The following GALNT14 variants were observed in gnomAD, a reference collection of about 807,000 sequenced individuals.
GALNT14 encodes the protein polypeptide N-acetylgalactosaminyltransferase 14.
Under a neutral mutation model 77.5 loss-of-function variants are expected in GALNT14, and 60 were observed. That is an observed-to-expected ratio of 0.77 (90% CI 0.63 to 0.96). GALNT14 has a LOEUF of 0.96. Among genes scored for constraint, GALNT14 ranks in the 40% least tolerant of loss-of-function variants. GALNT14 has a pLI of 0.00. For synonymous variants in GALNT14, 280 were observed against 281.7 expected (o/e 0.99, Z 0.06); for missense variants, 710 against 731.0 (o/e 0.97, Z 0.33).
intron 1 of GALNT14, among the ~76,000 whole-genome samples, chr2:31,011,230 G>A (rs1671011831): frequency 6.6e-6 from 1 of 152,174 alleles, no homozygotes; most frequent in South Asian, 2.1e-4. Flanking sequence ...GCCATTTTAC[G>A]GATCTAATGG....
chr2:31,137,677 G>A (rs1679287327), intron 1 of GALNT14, among the ~76,000 whole-genome samples: 2 of 152,154 alleles, frequency 1.3e-5, no homozygotes, highest in Non-Finnish European at 2.9e-5. Context: ...CCTCCGCCCC[G>A]GGACCCTCGC....
chr2:30,974,968 T>C (rs1668552574), intron 2 of GALNT14, among the ~76,000 whole-genome samples: 1 of 152,204 alleles, frequency 6.6e-6, no homozygotes, highest in Non-Finnish European at 1.5e-5. Context: ...TGCCAAGCTA[T>C]GGGTGACACC....
chr2:30,986,922 T>A (rs1469680087), intron 2 of GALNT14: 1 of 152,184 alleles, frequency 6.6e-6, no homozygotes, highest in African/African-American at 2.4e-5. Flanking sequence ...GCAAGCTCCA[T>A]GTTTTGTTCG....
At chr2:30,894,847 C>T in the GALNT14 span, among the ~76,000 whole-genome samples, 1 of 152,228 alleles carries the variant, frequency 6.6e-6, no homozygotes, top group African/African-American at 2.4e-5. Flanking sequence ...CCAGGGAACA[C>T]TGAGGACAGT....
chr2:31,023,838 G>T (rs763111829), intron 1 of GALNT14, among the ~76,000 whole-genome samples: 1 of 152,074 alleles, frequency 6.6e-6, no homozygotes, highest in Non-Finnish European at 1.5e-5. Flanking sequence ...ACACTGAAGC[G>T]TTCCAGTTGT....
chr2:30,968,264 C>G (rs1370280165), intron 2 of GALNT14, among the ~76,000 whole-genome samples: 1 of 152,220 alleles, frequency 6.6e-6, no homozygotes, highest in African/African-American at 2.4e-5. Flanking sequence ...CAGCTGAAGA[C>G]AGCCTCTTCT....
At chr2:30,986,434 A>G (rs1033590800) in intron 2 of GALNT14, among the ~76,000 whole-genome samples, 2 of 152,254 alleles carry the variant, frequency 1.3e-5, no homozygotes, top group African/African-American at 4.8e-5. Context: ...TGTCTGCCAG[A>G]TGTTTTATGT....
At chr2:30,890,277 C>G in the GALNT14 span, among the ~76,000 whole-genome samples, 6 of 152,178 alleles carry the variant, frequency 3.9e-5, no homozygotes, top group Non-Finnish European at 8.8e-5. Context: ...GAGCTGCATT[C>G]TTCAATTTCA....
chr2:30,937,692 T>G (rs537753704), intron 9 of GALNT14, among the ~76,000 whole-genome samples: 1 of 152,162 alleles, frequency 6.6e-6, no homozygotes, highest in Non-Finnish European at 1.5e-5. Context: ...AGTGTTTAAA[T>G]TGGGTCCACT....
intron 1 of GALNT14, among the ~76,000 whole-genome samples, chr2:31,075,054 C>G (rs761437397): frequency 6.6e-6 from 1 of 152,188 alleles, no homozygotes. Flanking sequence ...GGATCCCTCA[C>G]GAATGACTTG....
chr2:31,005,975 G>T (rs548056784), intron 1 of GALNT14, among the ~76,000 whole-genome samples: 42 of 152,328 alleles, frequency 2.8e-4, no homozygotes, highest in Admixed American at 8.5e-4. Context: ...TCTGGAGAGA[G>T]ACTTGGGTGA....
intron 1 of GALNT14, among the ~76,000 whole-genome samples, chr2:31,123,468 C>T (rs1372429796): frequency 1.3e-5 from 2 of 152,172 alleles, no homozygotes; most frequent in East Asian, 3.9e-4. Context: ...TATTCCCTAT[C>T]CTGATGCTGG....
chr2:31,104,103 G>A (rs961388785), intron 1 of GALNT14, among the ~76,000 whole-genome samples: 3 of 152,110 alleles, frequency 2.0e-5, no homozygotes, highest in Non-Finnish European at 2.9e-5. Flanking sequence ...AAAAACTGTG[G>A]CCAACCTGGT....
intron 1 of GALNT14, among the ~76,000 whole-genome samples, chr2:31,127,178 T>C (rs1195775787): frequency 6.6e-6 from 1 of 152,202 alleles, no homozygotes; most frequent in Non-Finnish European, 1.5e-5. Context: ...CAAAATGTCC[T>C]GTCCCCATCC....
chr2:30,970,462 A>G (rs1426265177), intron 2 of GALNT14, among the ~76,000 whole-genome samples: 2 of 152,184 alleles, frequency 1.3e-5, no homozygotes, highest in African/African-American at 4.8e-5. Context: ...AAGGGTGCTG[A>G]GGAAATGGAA....
At chr2:31,129,708 C>A in intron 1 of GALNT14, 48 of 833,106 alleles carry the variant, frequency 5.8e-5, no homozygotes, top group Non-Finnish European at 6.4e-5. Context: ...GGACCAGTCT[C>A]TATGGCTGGG....
intron 1 of GALNT14, among the ~76,000 whole-genome samples, chr2:31,039,922 T>C (rs1237659315): frequency 1.3e-5 from 2 of 152,218 alleles, no homozygotes; most frequent in Non-Finnish European, 2.9e-5. Context: ...ACCATGCTTA[T>C]TTTGAGAAAT....
At position 31,130,779 on chromosome 2, in the gene GALNT14, T is replaced by TGCGC. The variant is rs1201704713; in HGVS notation, c.129+7178_129+7179insGCGC. Among the ~76,000 whole-genome samples the TGCGC allele has an allele frequency of 1.4e-3, 179 of 130,104 alleles. 1 individual carries two copies. Among genetic ancestry groups the TGCGC allele is most frequent in the African/African-American group, 6.0e-3 (170 of 28,548 alleles). 85.4% of individuals were successfully genotyped at this position (130,104 alleles called of 152,430 possible). On this transcript the variant is annotated intron_variant, in intron 1 of 14. Coordinates refer to ENST00000349752, the MANE Select transcript of GALNT14 (RefSeq NM_024572.4). ...GTGTGTGTGTGTGTGTGTGTGTGTG[T>TGCGC]GTGTGCGCGCGCACCTGTGTGTGTG...
intron 2 of GALNT14, among the ~76,000 whole-genome samples, chr2:30,967,295 T>C (rs531960974): frequency 2.0e-5 from 3 of 152,336 alleles, no homozygotes; most frequent in Admixed American, 6.5e-5. Flanking sequence ...CCTGGAAAGA[T>C]AGTTCATAGT....
Sources: allele counts gnomAD v4.1 joint callset (sites outside exome capture counted in the v4.1 genomes callset), GRCh38; gene constraint gnomAD v4.1.1; transcripts MANE v1.5; gene names NCBI Gene and HGNC (gene_info 2026-07-23, HGNC 2026-07-21).